The following ASB17 variants were observed in gnomAD, a reference collection of about 807,000 sequenced individuals.
ASB17 encodes the protein ankyrin repeat and SOCS box containing 17.
In ASB17, 26 loss-of-function variants were observed where a neutral mutation model predicts 25.7. That is an observed-to-expected ratio of 1.01 (90% CI 0.74 to 1.40). The LOEUF (loss-of-function observed/expected upper bound fraction) is 1.40. Ranked by LOEUF, ASB17 falls within the 40% of genes most tolerant of loss-of-function variation. ASB17 has a pLI of 0.00. For synonymous variants in ASB17, 128 were observed against 121.4 expected, an observed-to-expected ratio of 1.05 and a Z score of -0.36; for missense variants, 326 against 338.5, an observed-to-expected ratio of 0.96 and a Z score of 0.29.
intron 2 of ASB17, 147 bp downstream of exon 2, chr1:75,921,933 C>T: frequency 1.5e-6 from 1 of 655,744 alleles, no homozygotes; most frequent in Non-Finnish European, 2.4e-6. Flanking sequence ...GAGATTTTCC[C>T]TATTATTTTT....
At chr1:75,924,645 A>C (rs1261875379) in intron 1 of ASB17, among the ~76,000 whole-genome samples, 7 of 152,098 alleles carry the variant, frequency 4.6e-5, no homozygotes, top group Non-Finnish European at 8.8e-5. Flanking sequence ...CAGACCAATA[A>C]TGTCATGGGC....
At position 75,922,155 on chromosome 1, in the gene ASB17, G is replaced by A. The variant is rs772823773; in HGVS notation, c.606C>T (p.Asp202=). Residue 202 remains aspartate, a synonymous_variant, in exon 2 of 3, where the codon GAC becomes GAT. Transcript: ENST00000284142. The part of the protein sequence containing the change: ...VRVMVDRELA[D]IHEDAKTCLV... ...AACATGTTTTGGCATCTTCATGGAT[G>A]TCAGCCAATTCACGATCAACCATTA... 2 of 1,613,796 alleles carry A rather than the reference G, an allele frequency of 1.2e-6. No homozygotes were observed. Among genetic ancestry groups the A allele is most frequent in the Non-Finnish European group, 1.7e-6 (2 of 1,179,788 alleles).
At chr1:75,919,290 A>T (rs1054343070) in intron 2 of ASB17, 132 bp from the exon 3 acceptor site, 2 of 685,284 alleles carry the variant, frequency 2.9e-6, no homozygotes, top group Admixed American at 6.7e-5. Flanking sequence ...ACTTTTTTCC[A>T]AAGCATTTTT....
chr1:75,920,561 A>G (rs944199613), intron 2 of ASB17, among the ~76,000 whole-genome samples: 3 of 152,222 alleles, frequency 2.0e-5, no homozygotes, highest in Admixed American at 1.3e-4. Flanking sequence ...ATGTGCTGCG[A>G]TAGGGAAAAC....
At chr1:75,920,471 A>C (rs922388460) in intron 2 of ASB17, among the ~76,000 whole-genome samples, 1 of 152,200 alleles carries the variant, frequency 6.6e-6, no homozygotes, top group Non-Finnish European at 1.5e-5. Context: ...TAGGGTAGGT[A>C]AAATAGACAC....
chr1:75,921,985 C>T, intron 2 of ASB17, 95 bp downstream of exon 2: 1 of 1,104,018 alleles, frequency 9.1e-7, no homozygotes. Flanking sequence ...TGGACATATT[C>T]TATAAATTAA....
chr1:75,923,592 C>A (rs942185733), intron 1 of ASB17, among the ~76,000 whole-genome samples: 3 of 152,106 alleles, frequency 2.0e-5, no homozygotes, highest in African/African-American at 7.2e-5. Context: ...ATTCTCTTGA[C>A]TGGCCTAATA....
chr1:75,929,454 C>T (rs1481393676), intron 1 of ASB17, among the ~76,000 whole-genome samples: 9 of 151,736 alleles, frequency 5.9e-5, no homozygotes, highest in Admixed American at 4.6e-4. Context: ...CTCCTGACCT[C>T]GTGATCCGCC....
Position 75,921,945 on chromosome 1 carries a change from T to C in ASB17, c.681+135A>G, listed in dbSNP as rs1653037378. ...TTTGAGATTTTCCCTATTATTTTTA[T>C]TAATAGGCATATACTCAATGATCTG... On this transcript the variant is annotated intron_variant, in intron 2 of 2. Transcript: ENST00000284142. 5.8e-6 allele frequency: 4 copies of C among 691,590 alleles called. No individual in the cohort carries two copies. The Admixed American group carries it at 1.3e-4, about 22-fold the overall frequency. 42.8% of individuals were successfully genotyped at this position (691,590 alleles called of 1,614,324 possible).
intron 1 of ASB17, among the ~76,000 whole-genome samples, chr1:75,928,328 TA>T (rs1297580937): frequency 6.6e-6 from 1 of 152,228 alleles, no homozygotes; most frequent in Admixed American, 6.5e-5. Context: ...GTCTGGCACT[TA>T]AAAAATGCTT....
intron 2 of ASB17, among the ~76,000 whole-genome samples, chr1:75,921,359 C>T (rs938442961): frequency 6.6e-6 from 1 of 152,084 alleles, no homozygotes; most frequent in Non-Finnish European, 1.5e-5. Flanking sequence ...TGAAGTCACA[C>T]CCTTAAAGAT....
At chr1:75,924,547 CAT>C (rs1241991828) in intron 1 of ASB17, among the ~76,000 whole-genome samples, 1 of 151,968 alleles carries the variant, frequency 6.6e-6, no homozygotes, top group Non-Finnish European at 1.5e-5. Context: ...CACACATACA[CAT>C]ATAGAAAGAG....
Position 75,932,253 on chromosome 1 carries a change from A to T in ASB17, c.39T>A (p.Cys13Ter). ...GATTGCAGAATATATTGCTTCTTGG[A>T]CAAGAAGTCTTACCACATAATTTAG... is the stretch of plus-strand genomic sequence containing the variant. Reference protein sequence around the residue: ...KSTKLCGKTSCPRSNIFCNLL... With the variant: ...KSTKLCGKTS Residue 13 changes from cysteine to a stop codon, truncating the protein, a stop_gained, in exon 1 of 3, where the codon TGT becomes TGA. Coordinates refer to ENST00000284142, the MANE Select transcript of ASB17 (RefSeq NM_080868.3). LOFTEE classifies it high-confidence loss of function. The T allele has an allele frequency of 6.2e-7, 1 of 1,612,800 alleles. No homozygotes were observed. The highest frequency in any genetic ancestry group is 8.5e-7 in the Non-Finnish European group (1 of 1,179,362).
chr1:75,921,363 T>G (rs75494750), intron 2 of ASB17, among the ~76,000 whole-genome samples: 1,531 of 152,296 alleles, frequency 0.01, 15 homozygotes, highest in Non-Finnish European at 0.012. Flanking sequence ...GTCACACCCT[T>G]AAAGATTAGG....
At chr1:75,927,644 T>A (rs774780780) in intron 1 of ASB17, among the ~76,000 whole-genome samples, 4 of 152,124 alleles carry the variant, frequency 2.6e-5, no homozygotes, top group Non-Finnish European at 4.4e-5. Flanking sequence ...GGACCTTCTC[T>A]AACCACCCCC....
At position 75,931,807 on chromosome 1, in the gene ASB17, A is replaced by C. The variant is rs1296096890; in HGVS notation, c.401+84T>G. On this transcript the variant is annotated intron_variant, in intron 1 of 2. Transcript: ENST00000284142. ...CTTACTTCACATATAGCCACTATACATGTGAGTTTTAGAAAAAAGAAGCAC... is the reference window on the plus strand; with the variant it reads ...CTTACTTCACATATAGCCACTATACCTGTGAGTTTTAGAAAAAAGAAGCAC... The C allele has an allele frequency of 8.6e-6, 11 of 1,282,442 alleles. No homozygotes were observed. The East Asian group carries it at 2.7e-4, about 31-fold the overall frequency. The allele number at this position is 1,282,442 out of a possible 1,614,324, so 79.4% of individuals were successfully genotyped here.
At chr1:75,925,128 AT>A (rs1202933521) in intron 1 of ASB17, among the ~76,000 whole-genome samples, 1 of 152,122 alleles carries the variant, frequency 6.6e-6, no homozygotes, top group East Asian at 1.9e-4. Context: ...GCACTCAAAT[AT>A]TTGTTAATTG....
At chr1:75,921,071 GC>G (rs1351056390) in intron 2 of ASB17, among the ~76,000 whole-genome samples, 1 of 152,032 alleles carries the variant, frequency 6.6e-6, no homozygotes, top group Non-Finnish European at 1.5e-5. Context: ...ACTGCGCCCG[GC>G]CTGTCCTAGT....
At chr1:75,924,239 T>A (rs1653109887) in intron 1 of ASB17, among the ~76,000 whole-genome samples, 1 of 152,142 alleles carries the variant, frequency 6.6e-6, no homozygotes, top group Non-Finnish European at 1.5e-5. Context: ...ATAGATGAGC[T>A]TTTTTCAAAC....
Sources: allele counts gnomAD v4.1 joint callset (sites outside exome capture counted in the v4.1 genomes callset), GRCh38; gene constraint gnomAD v4.1.1; transcripts MANE v1.5; gene names NCBI Gene and HGNC (gene_info 2026-07-23, HGNC 2026-07-21).